Variants in CEP112 observed in about 807,000 individuals in gnomAD.
CEP112 encodes centrosomal protein of 112 kDa.
Under a neutral mutation model 153.0 loss-of-function variants are expected in CEP112, and 127 were observed. That is an observed-to-expected ratio of 0.83 (90% confidence interval 0.72 to 0.96). CEP112 has a LOEUF of 0.96. Ranked by LOEUF, CEP112 falls within the 40% of genes least tolerant of loss-of-function variation. CEP112 has a pLI of 0.00. For missense variants in CEP112, 1,089 were observed against 1,101.2 expected, an observed-to-expected ratio of 0.99 and a Z score of 0.16; for synonymous variants, 358 against 374.4, an observed-to-expected ratio of 0.96 and a Z score of 0.51.
intron 12 of CEP112, among the ~76,000 whole-genome samples, chr17:66,030,496 G>A (rs569600682): frequency 6.6e-6 from 1 of 152,248 alleles, no homozygotes; most frequent in African/African-American, 2.4e-5. Flanking sequence ...GCACAAGGGT[G>A]TTCACATAAG....
intron 18 of CEP112, among the ~76,000 whole-genome samples, chr17:65,931,706 T>G (rs910548101): frequency 3.3e-5 from 5 of 152,170 alleles, no homozygotes; most frequent in Non-Finnish European, 7.4e-5. Context: ...CTAGCCAGAT[T>G]TGCCACCCAG....
Position 65,930,287 on chromosome 17 carries a change from GA to G in CEP112, c.1873-2599del, listed in dbSNP as rs1296549110. Among the ~76,000 whole-genome samples, 11 of 151,962 alleles carry G rather than the reference GA, an allele frequency of 7.2e-5. No homozygotes were observed. In the East Asian group the frequency reaches 1.5e-3, roughly 21 times the overall value. On this transcript the variant is annotated intron_variant, in intron 18 of 26. Transcript: ENST00000535342. The stretch of plus-strand genomic sequence containing the variant: ...TTTCACAGTTTTTCACAATATATTT[GA>G]AAAAAACATTTCAATGCATTTATTC...
chr17:65,647,866 G>T (rs181953056), intron 24 of CEP112, among the ~76,000 whole-genome samples: 13 of 152,154 alleles, frequency 8.5e-5, no homozygotes, highest in African/African-American at 3.1e-4. Context: ...TTTACCTGTG[G>T]ACTATTCATG....
chr17:66,122,294 A>T (rs1267609648), intron 6 of CEP112, among the ~76,000 whole-genome samples: 2 of 152,064 alleles, frequency 1.3e-5, no homozygotes, highest in African/African-American at 2.4e-5. Flanking sequence ...ATCTGGTCTC[A>T]CAGGCCATTT....
At position 65,764,383 on chromosome 17, in the gene CEP112, A is replaced by G. The variant is rs142191752; in HGVS notation, c.2395-13659T>C. ...CCCCACTATTACTGTATTGCTATCTATTTCTCCCTTCATGTCCATTAATAT... is the reference window on the plus strand; with the variant it reads ...CCCCACTATTACTGTATTGCTATCTGTTTCTCCCTTCATGTCCATTAATAT... On this transcript the variant is annotated intron_variant, in intron 21 of 26. Coordinates refer to ENST00000535342, the MANE Select transcript of CEP112 (RefSeq NM_001199165.4). 3.5e-4 allele frequency among the ~76,000 whole-genome samples: 53 copies of G among 152,170 alleles called. 1 individual carries two copies. The East Asian group carries it at 6.2e-3, about 18-fold the overall frequency.
At position 66,175,220 on chromosome 17, in the gene CEP112, AT is replaced by A; in HGVS notation, c.298-5del. On this transcript the variant is annotated splice_polypyrimidine_tract_variant and splice_region_variant and intron_variant, in intron 3 of 26. Transcript: ENST00000535342. Reference sequence around the variant, plus strand: ...TTGGTTCATCAAAATAGATGGACTGATTTTTTAAAATTAGAAAAATTATTCT... The same window carrying A: ...TTGGTTCATCAAAATAGATGGACTGATTTTTAAAATTAGAAAAATTATTCT... 1.3e-6 allele frequency: 2 copies of A among 1,520,428 alleles called. No individual in the cohort carries two copies. The highest frequency in any genetic ancestry group is 2.4e-5 in the East Asian group (1 of 41,680). The allele number at this position is 1,520,428 out of a possible 1,614,324, so 94.2% of individuals were successfully genotyped here.
At chr17:66,167,510 G>T (rs1037508297) in intron 4 of CEP112, among the ~76,000 whole-genome samples, 1 of 152,164 alleles carries the variant, frequency 6.6e-6, no homozygotes, top group Non-Finnish European at 1.5e-5. Context: ...CCTGAGGACA[G>T]ATGGTTGCCA....
At chr17:66,142,802 CT>C (rs1042945055) in intron 4 of CEP112, among the ~76,000 whole-genome samples, 132 of 152,168 alleles carry the variant, frequency 8.7e-4, no homozygotes, top group African/African-American at 3.1e-3. Flanking sequence ...CGGCTTTGTT[CT>C]TCTTGCTCAA....
intron 17 of CEP112, among the ~76,000 whole-genome samples, chr17:65,988,821 G>C (rs2063491611): frequency 6.6e-6 from 1 of 152,112 alleles, no homozygotes; most frequent in Non-Finnish European, 1.5e-5. Flanking sequence ...TGGTGTCCAA[G>C]AGGGAGTTGA....
At chr17:65,925,875 T>C (rs1170199548) in intron 19 of CEP112, among the ~76,000 whole-genome samples, 1 of 152,222 alleles carries the variant, frequency 6.6e-6, no homozygotes, top group Non-Finnish European at 1.5e-5. Context: ...GGGTCAGAGC[T>C]GCAGTCAATC....
chr17:65,967,920 T>A (rs1445412733), intron 17 of CEP112, among the ~76,000 whole-genome samples: 1 of 152,148 alleles, frequency 6.6e-6, no homozygotes, highest in Non-Finnish European at 1.5e-5. Flanking sequence ...AAAAATTCCT[T>A]TAAAATCTTT....
chr17:65,663,453 T>A (rs1381881803), intron 24 of CEP112, among the ~76,000 whole-genome samples: 1 of 152,212 alleles, frequency 6.6e-6, no homozygotes, highest in Non-Finnish European at 1.5e-5. Context: ...GGATCACATA[T>A]GGCAACCATA....
chr17:66,149,940 G>C (rs1598442036), intron 4 of CEP112, among the ~76,000 whole-genome samples: 1 of 116,862 alleles, frequency 8.6e-6, no homozygotes, highest in Non-Finnish European at 1.6e-5. Context: ...CTCCTAGGCT[G>C]GAGTACAGTG....
intron 17 of CEP112, among the ~76,000 whole-genome samples, chr17:65,986,128 T>C (rs2063398387): frequency 6.6e-6 from 1 of 151,828 alleles, no homozygotes; most frequent in Non-Finnish European, 1.5e-5. Flanking sequence ...ATCTCTCCAA[T>C]AGTCTCCCCC....
At chr17:66,175,842 A>T (rs1457417967) in intron 3 of CEP112, among the ~76,000 whole-genome samples, 1 of 152,236 alleles carries the variant, frequency 6.6e-6, no homozygotes, top group Non-Finnish European at 1.5e-5. Flanking sequence ...ATATCTTCAC[A>T]TCTAGATGTG....
At chr17:65,710,121 G>C (rs74004915) in intron 23 of CEP112, among the ~76,000 whole-genome samples, 2,015 of 152,294 alleles carry the variant, frequency 0.013, 43 homozygotes, top group African/African-American at 0.045. Flanking sequence ...CACTTATACA[G>C]TGCACCCTTC....
At chr17:65,720,321 A>C (rs924998666) in intron 23 of CEP112, among the ~76,000 whole-genome samples, 4 of 152,238 alleles carry the variant, frequency 2.6e-5, no homozygotes, top group African/African-American at 9.6e-5. Flanking sequence ...GAAAGTTGCC[A>C]GTTGTCAGAA....
chr17:66,177,001 A>AAGAGCAC lies in CEP112; in HGVS notation c.119_125dup (p.Trp43CysfsTer5), dbSNP rs1465913544. The stretch of plus-strand genomic sequence containing the variant: ...AAGGTTCGCACAGCTTTCTAATCCA[A>AAGAGCAC]AGAGCACACCTCTGCCGTTCTATAA... On this transcript the variant is annotated frameshift_variant, in exon 3 of 27. Transcript: ENST00000535342. LOFTEE classifies it high-confidence loss of function. The AAGAGCAC allele has an allele frequency of 6.2e-7, 1 of 1,612,538 alleles. No individual in the cohort carries two copies. The highest frequency in any genetic ancestry group is 1.3e-5 in the African/African-American group (1 of 74,992).
intron 24 of CEP112, among the ~76,000 whole-genome samples, chr17:65,677,687 T>C (rs2047302805): frequency 6.6e-6 from 1 of 151,972 alleles, no homozygotes; most frequent in Admixed American, 6.6e-5. Flanking sequence ...CTGAGGTGGG[T>C]GGATCACTTG....
Sources: gnomAD v4.1 joint callset for allele counts (sites outside exome capture counted in the v4.1 genomes callset) on GRCh38, gnomAD v4.1.1 for gene constraint, MANE v1.5 for transcripts, NCBI Gene and HGNC (gene_info 2026-07-23, HGNC 2026-07-21) for gene names.